Variants in TENM4 observed in about 807,000 individuals in gnomAD.
The protein encoded by TENM4 is teneurin transmembrane protein 4, also known as teneurin-4.
A neutral mutation model predicts 243.3 loss-of-function variants in TENM4; 82 were observed. That is an observed-to-expected ratio of 0.34 (90% CI 0.28 to 0.40). TENM4 has a LOEUF of 0.40. TENM4 is among the 10% of genes least tolerant of loss of function. The probability of loss-of-function intolerance (pLI) is 1.00; values close to 1 mark genes in which losing one functional copy is unlikely to be tolerated. For synonymous variants in TENM4, 1,412 were observed against 1,456.3 expected (o/e 0.97, Z 0.69); for missense variants, 3,138 against 3,673.3 (o/e 0.85, Z 3.77).
At chr11:78,922,613 T>C (rs1343399170) in intron 6 of TENM4, among the ~76,000 whole-genome samples, 1 of 152,214 alleles carries the variant, frequency 6.6e-6, no homozygotes, top group Non-Finnish European at 1.5e-5. Flanking sequence ...GAAAACCCTT[T>C]GCATGGTGAT....
intron 19 of TENM4, among the ~76,000 whole-genome samples, chr11:78,753,531 T>C (rs1033488734): frequency 6.6e-6 from 1 of 152,216 alleles, no homozygotes; most frequent in African/African-American, 2.4e-5. Context: ...ACCAAGTAGT[T>C]AGTCTAATGA....
chr11:78,931,809 C>G (rs1277046893), intron 6 of TENM4, among the ~76,000 whole-genome samples: 2 of 152,162 alleles, frequency 1.3e-5, no homozygotes, highest in South Asian at 2.1e-4. Context: ...GTTAATGAAA[C>G]GCTGTGCTTT....
At chr11:78,838,572 AT>A (rs1858175861) in intron 12 of TENM4, among the ~76,000 whole-genome samples, 1 of 152,168 alleles carries the variant, frequency 6.6e-6, no homozygotes, top group Non-Finnish European at 1.5e-5. Flanking sequence ...ATTTTGGCAT[AT>A]GGTATGAGGT....
chr11:78,923,437 C>A (rs552989495), intron 6 of TENM4, among the ~76,000 whole-genome samples: 1 of 152,258 alleles, frequency 6.6e-6, no homozygotes, highest in South Asian at 2.1e-4. Context: ...TCCCCTGAGC[C>A]AATGAGTGTT....
At chr11:79,258,370 A>G (rs779348069) in intron 2 of TENM4, among the ~76,000 whole-genome samples, 12 of 152,172 alleles carry the variant, frequency 7.9e-5, no homozygotes, top group Non-Finnish European at 1.3e-4. Context: ...ACTTTCTTCC[A>G]TTTTCCAGCC....
At chr11:79,275,249 G>T (rs1419887677) in intron 2 of TENM4, among the ~76,000 whole-genome samples, 2 of 151,438 alleles carry the variant, frequency 1.3e-5, no homozygotes, top group African/African-American at 2.4e-5. Flanking sequence ...GTGTCTGTGT[G>T]TGCGCGCGCA....
intron 6 of TENM4, among the ~76,000 whole-genome samples, chr11:78,992,685 T>C (rs1434854177): frequency 6.6e-6 from 1 of 152,186 alleles, no homozygotes; most frequent in Non-Finnish European, 1.5e-5. Flanking sequence ...GAATATATGA[T>C]TAAGAAATAG....
chr11:79,092,188 G>T (rs1466418244), intron 4 of TENM4, among the ~76,000 whole-genome samples: 1 of 152,214 alleles, frequency 6.6e-6, no homozygotes, highest in Non-Finnish European at 1.5e-5. Context: ...TGGGGATGCA[G>T]ATGGGATTTA....
intron 2 of TENM4, among the ~76,000 whole-genome samples, chr11:79,261,721 G>A (rs1855801474): frequency 6.6e-6 from 1 of 152,148 alleles, no homozygotes; most frequent in Admixed American, 6.5e-5. Context: ...AGCGCTATGT[G>A]TTTGGAGATG....
Position 78,702,200 on chromosome 11 carries a change from G to A in TENM4, c.4413C>T (p.Thr1471=), listed in dbSNP as rs759332892. Residue 1471 remains threonine, a synonymous_variant, in exon 28 of 34, where the codon ACC becomes ACT. Transcript: ENST00000278550. ...VAIHATLESA[T]ALAVSHNGVL... is the part of the protein sequence containing the mutation. ...CCCCATTGTGTGAAACAGCCAAAGC[G>A]GTGGCTGACTCCAGGGTTGCGTGGA... The A allele has an allele frequency of 5.0e-5, 80 of 1,613,992 alleles. 1 individual carries two copies. The highest frequency in any genetic ancestry group is 4.9e-4 in the Middle Eastern group (3 of 6,062).
chr11:79,130,448 C>T (rs560057447), intron 4 of TENM4, among the ~76,000 whole-genome samples: 1 of 148,470 alleles, frequency 6.7e-6, no homozygotes, highest in Non-Finnish European at 1.5e-5. Flanking sequence ...CAGGGAGGGA[C>T]CAGAGAAAGG....
At chr11:78,995,375 C>A (rs1261108872) in intron 6 of TENM4, among the ~76,000 whole-genome samples, 1 of 152,090 alleles carries the variant, frequency 6.6e-6, no homozygotes, top group Non-Finnish European at 1.5e-5. Context: ...GAGTGACGTC[C>A]TGAAAACTCC....
intron 6 of TENM4, among the ~76,000 whole-genome samples, chr11:78,985,945 G>A (rs947449872): frequency 2.0e-5 from 3 of 152,204 alleles, no homozygotes; most frequent in East Asian, 1.9e-4. Flanking sequence ...TGTGCATTCA[G>A]GAGGCCCTAT....
At chr11:79,144,593 C>G (rs1182697577) in intron 4 of TENM4, among the ~76,000 whole-genome samples, 1 of 151,986 alleles carries the variant, frequency 6.6e-6, no homozygotes, top group Non-Finnish European at 1.5e-5. Flanking sequence ...GAGTAATATT[C>G]AGCCATAAAA....
At chr11:79,372,946 C>T (rs767516245) in intron 1 of TENM4, among the ~76,000 whole-genome samples, 1 of 152,074 alleles carries the variant, frequency 6.6e-6, no homozygotes, top group Non-Finnish European at 1.5e-5. Flanking sequence ...ATCAACCGTG[C>T]AGCCAATAAA....
chr11:79,376,263 G>C (rs1857889180), intron 1 of TENM4, among the ~76,000 whole-genome samples: 1 of 152,224 alleles, frequency 6.6e-6, no homozygotes, highest in Admixed American at 6.5e-5. Context: ...GAGGCACAAA[G>C]ATAGTAGGTG....
chr11:78,757,293 T>C (rs1856333898), intron 18 of TENM4, among the ~76,000 whole-genome samples: 1 of 152,178 alleles, frequency 6.6e-6, no homozygotes, highest in South Asian at 2.1e-4. Context: ...AGATTGTATG[T>C]ATGAAGACCC....
At position 78,813,982 on chromosome 11, in the gene TENM4, G is replaced by A. The variant is rs522714; in HGVS notation, c.1783+312C>T. Among the ~76,000 whole-genome samples the A allele has an allele frequency of 1.2e-4, 19 of 152,034 alleles. No individual in the cohort carries two copies. In the South Asian group the frequency reaches 1.5e-3, roughly 12 times the overall value. On this transcript the variant is annotated intron_variant, in intron 13 of 33. Transcript: ENST00000278550. ...ATCATTGCTATAAGAGGAAATCAAC[G>A]TTTTAAAAGAACCCCCACTGCCACT...
chr11:79,306,118 A>G (rs1274440880), intron 1 of TENM4, among the ~76,000 whole-genome samples: 13 of 152,212 alleles, frequency 8.5e-5, no homozygotes, highest in South Asian at 6.2e-4. Context: ...TACCAGTCCA[A>G]TTAATTCAAT....
Sources: gnomAD v4.1 joint callset for allele counts (sites outside exome capture counted in the v4.1 genomes callset) on GRCh38, gnomAD v4.1.1 for gene constraint, MANE v1.5 for transcripts, NCBI Gene and HGNC (gene_info 2026-07-23, HGNC 2026-07-21) for gene names.